The following MGAT5B variants were observed in gnomAD, a reference collection of about 807,000 sequenced individuals.
MGAT5B encodes N-acetylglucosaminyl-transferase Vb.
MGAT5B carries 54 observed loss-of-function variants against 95.1 expected under a neutral mutation model. That is an observed-to-expected ratio of 0.57 (90% CI 0.46 to 0.71). The LOEUF is 0.71. MGAT5B is among the 30% of genes least tolerant of loss of function. The pLI is 0.00. For synonymous variants in MGAT5B, 464 were observed against 451.0 expected, an observed-to-expected ratio of 1.03 and a Z score of -0.36; for missense variants, 935 against 1,088.6, an observed-to-expected ratio of 0.86 and a Z score of 1.99.
rs1045186511 is a variant in MGAT5B at position 76,930,855 on chromosome 17, G to A, written c.1292-1790G>A. 1.3e-5 allele frequency among the ~76,000 whole-genome samples: 2 copies of A among 152,202 alleles called. No homozygotes were observed. The highest frequency in any genetic ancestry group is 2.9e-5 in the Non-Finnish European group (2 of 68,036). On this transcript the variant is annotated intron_variant, in intron 10 of 17. Coordinates refer to ENST00000569840, the MANE Select transcript of MGAT5B (RefSeq NM_001199172.2). This position sits in a 1 kb window ranked among gnomAD's most constrained non-coding sequence, Gnocchi z 4.1. The stretch of plus-strand genomic sequence containing the variant: ...GAGAAGGCTTCCAGGAGGAGGTGTC[G>A]TGTGAGAGGGGCCCCGAAGGCTGAG...
chr17:76,911,919 G>A (rs1425371492), intron 8 of MGAT5B, among the ~76,000 whole-genome samples: 2 of 152,172 alleles, frequency 1.3e-5, no homozygotes, highest in Admixed American at 6.5e-5. Flanking sequence ...TGGCAGGGCA[G>A]GGCTGGGGCC....
intron 15 of MGAT5B, among the ~76,000 whole-genome samples, chr17:76,943,038 C>CCCCCCT (rs754402318): frequency 1.4e-5 from 1 of 70,682 alleles, no homozygotes; most frequent in African/African-American, 5.2e-5. Flanking sequence ...TAACTTGCCC[C>CCCCCCT]CCCGGGAGGC....
At chr17:76,923,060 C>T (rs977900025) in intron 8 of MGAT5B, among the ~76,000 whole-genome samples, 1 of 152,190 alleles carries the variant, frequency 6.6e-6, no homozygotes, top group Non-Finnish European at 1.5e-5. Context: ...TCCATCACAG[C>T]GCTGTCGGCA....
chr17:76,946,444 G>A lies in MGAT5B; in HGVS notation c.1917G>A (p.Gln639=). Residue 639 remains glutamine, a synonymous_variant, in exon 16 of 18, where the codon CAG becomes CAA. Transcript: ENST00000569840. ...GMLERIHAYI[Q]HQDFCRAPDP... ...TGGAGCGGATCCACGCCTACATCCAGCACCAGGTCAGTGAGCCCTCTGGTC... is the reference window on the plus strand; with the variant it reads ...TGGAGCGGATCCACGCCTACATCCAACACCAGGTCAGTGAGCCCTCTGGTC... The A allele has an allele frequency of 6.3e-7, 1 of 1,589,492 alleles. No homozygotes were observed. The highest frequency in any genetic ancestry group is 8.6e-7 in the Non-Finnish European group (1 of 1,167,474).
Position 76,905,276 on chromosome 17 carries a change from G to T in MGAT5B, c.798G>T (p.Ala266=). The change falls in exon 7 of 18, where the codon GCG becomes GCT. Residue 266 remains alanine, a synonymous_variant. Transcript: ENST00000569840. The surrounding 1 kb of genome is among the most constrained non-coding windows in gnomAD (Gnocchi z 4.2). ...KRTKRLTAQW[A]LAAQRLAQKL... ...CCAAGAGGCTCACAGCCCAGTGGGCGCTGGCTGCCCAGCGCCTGGCACAGA... is the reference window on the plus strand; with the variant it reads ...CCAAGAGGCTCACAGCCCAGTGGGCTCTGGCTGCCCAGCGCCTGGCACAGA... 1 of 1,611,234 alleles carries T rather than the reference G, an allele frequency of 6.2e-7. No homozygotes were observed. Among genetic ancestry groups the T allele is most frequent in the Non-Finnish European group, 8.5e-7 (1 of 1,178,244 alleles).
intron 8 of MGAT5B, among the ~76,000 whole-genome samples, chr17:76,923,422 A>G (rs1969185031): frequency 6.6e-6 from 1 of 152,074 alleles, no homozygotes; most frequent in South Asian, 2.1e-4. Context: ...GGAGGTGGGC[A>G]TCCCCGGGAG....
rs1439093178 is a variant in MGAT5B, at chr17:76,942,401, C to T, written c.1848+1553C>T. Among the ~76,000 whole-genome samples, 6 of 152,280 alleles carry T rather than the reference C, an allele frequency of 3.9e-5. No homozygotes were observed. In the East Asian group the frequency reaches 1.2e-3, roughly 29 times the overall value. On this transcript the variant is annotated intron_variant, in intron 15 of 17. Transcript: ENST00000569840. The stretch of plus-strand genomic sequence containing the variant: ...AAAGAAATTTAGACAGGCGTGGTGG[C>T]ACACGACTGTGATCCACCAAGAGGC...
chr17:76,882,466 A>C, intron 3 of MGAT5B, 168 bp downstream of exon 3: 6 of 755,388 alleles, frequency 7.9e-6, no homozygotes, highest in Non-Finnish European at 9.7e-6. Context: ...AACCGTTAAC[A>C]TTTGGTCACA....
At position 76,948,596 on chromosome 17, in the gene MGAT5B, C is replaced by T. The variant is rs774416584; in HGVS notation, c.2181-44C>T. On this transcript the variant is annotated intron_variant, in intron 17 of 17. Transcript: ENST00000569840. Reference sequence around the variant, plus strand: ...CCTACCCCGCCCCAGCCCTTCTGCCCAAGTGACCAACGCTGAGTGACGGTG... The same window carrying T: ...CCTACCCCGCCCCAGCCCTTCTGCCTAAGTGACCAACGCTGAGTGACGGTG... 9 of 1,572,966 alleles carry T rather than the reference C, an allele frequency of 5.7e-6. No individual in the cohort carries two copies. In the South Asian group the frequency reaches 5.8e-5, roughly 10 times the overall value.
intron 8 of MGAT5B, among the ~76,000 whole-genome samples, chr17:76,923,110 G>A (rs1434972654): frequency 1.3e-5 from 2 of 152,186 alleles, no homozygotes; most frequent in Admixed American, 6.5e-5. Context: ...CACTTTGGAC[G>A]GTGTGCTAAC....
At chr17:76,898,494 A>G (rs1165434422) in intron 3 of MGAT5B, among the ~76,000 whole-genome samples, 3 of 150,610 alleles carry the variant, frequency 2.0e-5, no homozygotes, top group Non-Finnish European at 3.0e-5. Context: ...ACACCCGGCT[A>G]ATTTTTTTTT....
In MGAT5B at chr17:76,940,805, CAG is replaced by C; in HGVS notation, c.1808_1809del (p.Glu603GlyfsTer3). The C allele has an allele frequency of 1.2e-6, 2 of 1,614,106 alleles. No homozygotes were observed. Among genetic ancestry groups the C allele is most frequent in the Non-Finnish European group, 1.7e-6 (2 of 1,180,026 alleles). On this transcript the variant is annotated frameshift_variant, in exon 15 of 18. Transcript: ENST00000569840. LOFTEE classifies it high-confidence loss of function. The surrounding 1 kb of genome is among the most constrained non-coding windows in gnomAD (Gnocchi z 4.3). The stretch of plus-strand genomic sequence containing the variant: ...GTGTGGACAGTCGACTACAACAACT[CAG>C]AGGAGTTTGAAGCAGCCATCAAGGC...
In MGAT5B at chr17:76,870,224, C is replaced by T. The variant is rs927431460; in HGVS notation, c.68+1127C>T. Among the ~76,000 whole-genome samples, 6 of 152,124 alleles carry T rather than the reference C, an allele frequency of 3.9e-5. No homozygotes were observed. Among genetic ancestry groups the T allele is most frequent in the Non-Finnish European group, 7.4e-5 (5 of 68,006 alleles). ...GGGAGACGGTGGCTCACCTGGAGCC[C>T]GCCTCCCAGCACACCGGGCCTGTCT... is the stretch of plus-strand genomic sequence containing the variant. On this transcript the variant is annotated intron_variant, in intron 1 of 17. Transcript: ENST00000569840. The surrounding 1 kb of genome is among the most constrained non-coding windows in gnomAD (Gnocchi z 5.0).
chr17:76,923,428 G>C (rs1325224210), intron 8 of MGAT5B, among the ~76,000 whole-genome samples: 1 of 152,172 alleles, frequency 6.6e-6, no homozygotes, highest in African/African-American at 2.4e-5. Context: ...GGGCATCCCC[G>C]GGAGATGGGA....
chr17:76,903,561 T>C (rs1463545549), intron 5 of MGAT5B, among the ~76,000 whole-genome samples, 185 bp downstream of exon 5: 1 of 152,176 alleles, frequency 6.6e-6, no homozygotes, highest in Non-Finnish European at 1.5e-5. Context: ...GTCGGTGCTT[T>C]CTCACAGCAA....
Position 76,930,928 on chromosome 17 carries a change from G to A in MGAT5B, c.1292-1717G>A, listed in dbSNP as rs140184277. 3.4e-3 allele frequency among the ~76,000 whole-genome samples: 524 copies of A among 152,240 alleles called. 3 individuals carry two copies. Among genetic ancestry groups the A allele is most frequent in the Middle Eastern group, 0.017 (5 of 294 alleles). On this transcript the variant is annotated intron_variant, in intron 10 of 17. Transcript: ENST00000569840. The surrounding 1 kb of genome is among the most constrained non-coding windows in gnomAD (Gnocchi z 4.1). ...AGGGAGGAGGGCAGTGCAGGCCGAG[G>A]GGACAGCAGCAGGGGCAACGCTTGG...
chr17:76,895,245 C>A (rs1213214133), intron 3 of MGAT5B, among the ~76,000 whole-genome samples: 1 of 151,868 alleles, frequency 6.6e-6, no homozygotes, highest in Non-Finnish European at 1.5e-5. Context: ...CCATCACCCC[C>A]AAATGGGACC....
intron 8 of MGAT5B, among the ~76,000 whole-genome samples, chr17:76,908,459 G>T (rs938249294): frequency 1.2e-4 from 18 of 151,810 alleles, no homozygotes; most frequent in African/African-American, 2.4e-4. Flanking sequence ...TGGAGACAGG[G>T]TTTCACTATG....
chr17:76,916,200 C>T lies in MGAT5B; in HGVS notation c.1026-8766C>T, dbSNP rs1968931560. Among the ~76,000 whole-genome samples, 1 of 150,940 alleles carries T rather than the reference C, an allele frequency of 6.6e-6. No individual in the cohort carries two copies. ...CTGCACTGCCCTGGCCCCTGCCCTT[C>T]ATTCTTCCTCGGGATCCAGGAGAGA... On this transcript the variant is annotated intron_variant, in intron 8 of 17. Coordinates refer to ENST00000569840, the MANE Select transcript of MGAT5B (RefSeq NM_001199172.2). The surrounding 1 kb of genome is among the most constrained non-coding windows in gnomAD (Gnocchi z 5.3).
Sources: gnomAD v4.1 joint callset for allele counts (sites outside exome capture counted in the v4.1 genomes callset) on GRCh38, gnomAD v4.1.1 for gene constraint, Gnocchi (gnomAD v3.1) non-coding constraint, MANE v1.5 for transcripts, NCBI Gene and HGNC (gene_info 2026-07-23, HGNC 2026-07-21) for gene names.